Variants in TBC1D12 observed in about 807,000 individuals in gnomAD.
The protein encoded by TBC1D12 is TBC1 domain family member 12, also known as TBC1 domain family, member 12.
TBC1D12 carries 56 observed loss-of-function variants against 86.7 expected under a neutral mutation model. The ratio of observed to expected loss-of-function variants is 0.65; its 90% confidence interval spans 0.52 to 0.81. The LOEUF (loss-of-function observed/expected upper bound fraction) is 0.81, where lower values mean the gene tolerates loss of function less well. Ranked by LOEUF, TBC1D12 falls within the 30% of genes least tolerant of loss-of-function variation. TBC1D12 has a pLI of 0.00. For missense variants in TBC1D12, 1,023 were observed against 1,038.8 expected, an observed-to-expected ratio of 0.98 and a Z score of 0.21; for synonymous variants, 421 against 411.7, an observed-to-expected ratio of 1.02 and a Z score of -0.27.
In TBC1D12 at chr10:94,528,746, C is replaced by T. The variant is rs1199741243; in HGVS notation, c.2001-2456C>T. 4.0e-5 allele frequency among the ~76,000 whole-genome samples: 6 copies of T among 150,660 alleles called. No individual in the cohort carries two copies. In the East Asian group the frequency reaches 7.9e-4, roughly 20 times the overall value. ...CTGAGGCATGAGAATCTCTTGAACC[C>T]GGGAGGCAGAGGTTGCAGTGAGCCG... On this transcript the variant is annotated intron_variant, in intron 11 of 12. Coordinates refer to ENST00000225235, the MANE Select transcript of TBC1D12 (RefSeq NM_015188.2).
In TBC1D12 at chr10:94,500,213, A is replaced by G. The variant is rs374887653; in HGVS notation, c.1413-8A>G. The G allele has an allele frequency of 1.6e-5, 26 of 1,609,092 alleles. No individual in the cohort carries two copies. The African/African-American group carries it at 3.3e-4, about 21-fold the overall frequency. ...ACTTTCTCCTTTTTTCTCCTCCTTT[A>G]ATTCTAGGCGTAGTACAAGAAGAGT... On this transcript the variant is annotated splice_region_variant and splice_polypyrimidine_tract_variant and intron_variant, in intron 5 of 12. Coordinates refer to ENST00000225235, the MANE Select transcript of TBC1D12 (RefSeq NM_015188.2).
At chr10:94,509,832 A>G in intron 7 of TBC1D12, 1 of 364,720 alleles carries the variant, frequency 2.7e-6, no homozygotes, top group Non-Finnish European at 4.9e-6. Context: ...TTACCATGGA[A>G]ATGATGGTCT....
intron 1 of TBC1D12, among the ~76,000 whole-genome samples, chr10:94,428,666 C>T (rs1394200452): frequency 6.6e-6 from 1 of 151,906 alleles, no homozygotes; most frequent in Non-Finnish European, 1.5e-5. Flanking sequence ...GGATTGTGCA[C>T]ACAATTTGAG....
intron 3 of TBC1D12, among the ~76,000 whole-genome samples, chr10:94,482,694 C>T (rs1486832377): frequency 6.6e-6 from 1 of 152,088 alleles, no homozygotes; most frequent in Admixed American, 6.6e-5. Flanking sequence ...AGGTGATCCG[C>T]CCGCCTCAGC....
chr10:94,519,030 G>A (rs202044128), intron 9 of TBC1D12, among the ~76,000 whole-genome samples: 122 of 152,264 alleles, frequency 8.0e-4, no homozygotes, highest in East Asian at 6.6e-3. Flanking sequence ...AGCCAATATC[G>A]TGCCACTGCA....
chr10:94,416,155 G>A (rs1052966353), intron 1 of TBC1D12, among the ~76,000 whole-genome samples: 1 of 152,132 alleles, frequency 6.6e-6, no homozygotes, highest in African/African-American at 2.4e-5. Flanking sequence ...GGTTTCACCT[G>A]TGCTACTGGA....
At chr10:94,532,201 G>A (rs922965165) in intron 12 of TBC1D12, among the ~76,000 whole-genome samples, 13 of 140,418 alleles carry the variant, frequency 9.3e-5, no homozygotes, top group South Asian at 2.3e-4. Flanking sequence ...ATTTTGAGAC[G>A]GAGTCTCACT....
intron 3 of TBC1D12, among the ~76,000 whole-genome samples, chr10:94,485,098 GT>G (rs2056140298): frequency 1.3e-5 from 2 of 152,020 alleles, no homozygotes; most frequent in Non-Finnish European, 2.9e-5. Context: ...TCCTTCTCTT[GT>G]CTGATTGCTC....
At chr10:94,498,581 G>A (rs1412023780) in intron 5 of TBC1D12, among the ~76,000 whole-genome samples, 1 of 151,982 alleles carries the variant, frequency 6.6e-6, no homozygotes, top group Non-Finnish European at 1.5e-5. Context: ...AGTCTCCCTA[G>A]TAGCAGGGAC....
At chr10:94,446,093 T>C (rs189305416) in intron 2 of TBC1D12, among the ~76,000 whole-genome samples, 129 of 152,340 alleles carry the variant, frequency 8.5e-4, no homozygotes, top group African/African-American at 2.8e-3. Flanking sequence ...TTTTTCAAAG[T>C]GGGCATGATT....
chr10:94,508,930 A>G (rs2056494022), intron 7 of TBC1D12: 1 of 152,092 alleles, frequency 6.6e-6, no homozygotes, highest in Admixed American at 6.6e-5. Flanking sequence ...TATAAAAAGA[A>G]TGTAGAAACC....
chr10:94,487,863 G>GT lies in TBC1D12; in HGVS notation c.1212-5492dup, dbSNP rs1298815236. Among the ~76,000 whole-genome samples the GT allele has an allele frequency of 3.3e-3, 402 of 123,340 alleles. 2 individuals are homozygous for GT. The highest frequency in any genetic ancestry group is 8.5e-3 in the African/African-American group (305 of 35,916). 80.9% of individuals were successfully genotyped at this position (123,340 alleles called of 152,430 possible). A position where few individuals can be genotyped will look rare whatever the true frequency, so the allele number is the denominator to read the frequency against. ...AGGTGCATGCCACCATACCCAGCTG[G>GT]TTTTTTTTTTGTTTTTTTAGTAAGG... On this transcript the variant is annotated intron_variant, in intron 3 of 12. Coordinates refer to ENST00000225235, the MANE Select transcript of TBC1D12 (RefSeq NM_015188.2).
intron 3 of TBC1D12, among the ~76,000 whole-genome samples, chr10:94,490,267 A>G (rs1190270910): frequency 2.0e-5 from 3 of 152,124 alleles, no homozygotes; most frequent in South Asian, 2.1e-4. Flanking sequence ...AAAGAAAAAA[A>G]AAAAGAAATA....
At chr10:94,514,159 G>A (rs1053155031) in intron 9 of TBC1D12, among the ~76,000 whole-genome samples, 1 of 151,948 alleles carries the variant, frequency 6.6e-6, no homozygotes, top group Non-Finnish European at 1.5e-5. Context: ...AAGATCGCTT[G>A]AGCCCAGGAG....
At position 94,533,339 on chromosome 10, in the gene TBC1D12, T is replaced by A. The variant is rs1033401868; in HGVS notation, c.*243T>A. On this transcript the variant is annotated 3_prime_UTR_variant, in exon 13 of 13. Transcript: ENST00000225235. ...CAAAGGAAAAAGTTTAAGTGGTGAG[T>A]TTATATTCCACAATTTGGAGTAAAC... 3.3e-6 allele frequency: 1 copy of A among 303,570 alleles called. No individual in the cohort carries two copies. The highest frequency in any genetic ancestry group is 2.2e-5 in the African/African-American group (1 of 45,640). The allele number at this position is 303,570 out of a possible 1,614,324, so 18.8% of individuals were successfully genotyped here.
chr10:94,402,958 C>G lies in TBC1D12; in HGVS notation c.345C>G (p.Ser115=). 1 of 1,572,872 alleles carries G rather than the reference C, an allele frequency of 6.4e-7. No homozygotes were observed. Among genetic ancestry groups the G allele is most frequent in the Non-Finnish European group, 8.6e-7 (1 of 1,164,470 alleles). The part of the protein sequence containing the change: ...RSDACLLGSG[S]KHRGAEVADG... ...ACGCCTGCCTGCTGGGCTCGGGCTC[C>G]AAACACCGCGGCGCGGAGGTGGCTG... Residue 115 remains serine, a synonymous_variant, in exon 1 of 13, where the codon TCC becomes TCG. Transcript: ENST00000225235.
chr10:94,465,386 G>A (rs908953318), intron 2 of TBC1D12, among the ~76,000 whole-genome samples: 8 of 152,230 alleles, frequency 5.3e-5, no homozygotes, highest in Non-Finnish European at 1.2e-4. Flanking sequence ...AGTGGCCCAC[G>A]CCTGTAATCC....
intron 2 of TBC1D12, among the ~76,000 whole-genome samples, chr10:94,449,011 T>C (rs1325290995): frequency 1.3e-5 from 2 of 152,292 alleles, no homozygotes; most frequent in East Asian, 3.9e-4. Flanking sequence ...GGCCTATGCT[T>C]CTGGGAGAAG....
At chr10:94,413,415 T>A (rs2054953637) in intron 1 of TBC1D12, among the ~76,000 whole-genome samples, 1 of 152,224 alleles carries the variant, frequency 6.6e-6, no homozygotes. Flanking sequence ...TTATAGCCTA[T>A]GAAAAAAGTG....
Sources: allele counts gnomAD v4.1 joint callset (sites outside exome capture counted in the v4.1 genomes callset), GRCh38; gene constraint gnomAD v4.1.1; transcripts MANE v1.5; gene names NCBI Gene and HGNC (gene_info 2026-07-23, HGNC 2026-07-21).